The following PPP1R9A variants were observed in gnomAD, a reference collection of about 807,000 sequenced individuals.
The protein encoded by PPP1R9A is neurabin-1.
PPP1R9A carries 59 observed loss-of-function variants against 141.9 expected under a neutral mutation model. The observed-to-expected ratio is 0.42, with a 90% CI of 0.34 to 0.52. The LOEUF is 0.52. Ranked by LOEUF, PPP1R9A falls within the 20% of genes least tolerant of loss-of-function variation. The pLI, the probability that PPP1R9A is intolerant of heterozygous loss-of-function variation, is 0.10. For missense variants in PPP1R9A, 1,444 were observed against 1,611.9 expected, an observed-to-expected ratio of 0.90 and a Z score of 1.78; for synonymous variants, 500 against 569.7, an observed-to-expected ratio of 0.88 and a Z score of 1.74.
intron 2 of PPP1R9A, among the ~76,000 whole-genome samples, chr7:94,939,198 A>G (rs1222615619): frequency 6.6e-6 from 1 of 152,168 alleles, no homozygotes; most frequent in African/African-American, 2.4e-5. Context: ...TCATTTCTTC[A>G]TCTAGGAAAA....
intron 18 of PPP1R9A, among the ~76,000 whole-genome samples, 163 bp from the exon 19 acceptor site, chr7:95,288,373 A>G (rs1196939919): frequency 6.6e-6 from 1 of 152,198 alleles, no homozygotes; most frequent in East Asian, 1.9e-4. Flanking sequence ...AAAAACATAT[A>G]GGTAATAAGT....
At chr7:95,201,927 A>C (rs1055418227) in intron 6 of PPP1R9A, among the ~76,000 whole-genome samples, 1 of 152,164 alleles carries the variant, frequency 6.6e-6, no homozygotes, top group Admixed American at 6.5e-5. Context: ...CTTAGTCAGC[A>C]TTTTCTGCTG....
intron 8 of PPP1R9A, among the ~76,000 whole-genome samples, chr7:95,232,584 C>T (rs1253153126): frequency 1.3e-5 from 2 of 152,208 alleles, no homozygotes; most frequent in East Asian, 3.9e-4. Flanking sequence ...AGTGAACAGG[C>T]AACCTACAGA....
Position 95,269,337 on chromosome 7 carries a change from CGTCT to C in PPP1R9A, c.2956_2959del (p.Ser986ThrfsTer3). On this transcript the variant is annotated frameshift_variant, in exon 14 of 20. Transcript: ENST00000433360. LOFTEE classifies it high-confidence loss of function. Reference sequence around the variant, plus strand: ...CCGGTGGATAGCAATGTGCCCTTCTCGTCTGACCACATAGCTGAATTTCAAGAAG... The same window carrying C: ...CCGGTGGATAGCAATGTGCCCTTCTCGACCACATAGCTGAATTTCAAGAAG... 2 of 1,598,642 alleles carry C rather than the reference CGTCT, an allele frequency of 1.3e-6. No individual in the cohort carries two copies. Among genetic ancestry groups the C allele is most frequent in the Non-Finnish European group, 1.7e-6 (2 of 1,179,456 alleles).
intron 4 of PPP1R9A, among the ~76,000 whole-genome samples, chr7:95,133,449 A>G (rs1333733832): frequency 6.6e-6 from 1 of 150,476 alleles, no homozygotes; most frequent in Non-Finnish European, 1.5e-5. Flanking sequence ...CTTAAATAAT[A>G]TATTACTTTA....
chr7:95,168,845 C>G (rs572324583), intron 5 of PPP1R9A, among the ~76,000 whole-genome samples: 2 of 151,972 alleles, frequency 1.3e-5, no homozygotes, highest in Non-Finnish European at 2.9e-5. Context: ...TATCCGCTTA[C>G]CCCAATTAGA....
At chr7:95,258,961 A>G (rs566232673) in intron 12 of PPP1R9A, among the ~76,000 whole-genome samples, 1 of 152,340 alleles carries the variant, frequency 6.6e-6, no homozygotes, top group Non-Finnish European at 1.5e-5. Flanking sequence ...AACTCTTGTC[A>G]GTGTATACCA....
intron 2 of PPP1R9A, among the ~76,000 whole-genome samples, chr7:94,928,921 A>G (rs1222028360): frequency 6.6e-6 from 1 of 152,166 alleles, no homozygotes; most frequent in Non-Finnish European, 1.5e-5. Context: ...CTTTAAAGAA[A>G]ACCAAACTGG....
intron 4 of PPP1R9A, among the ~76,000 whole-genome samples, chr7:95,153,388 G>T (rs147833691): frequency 5.9e-4 from 90 of 152,284 alleles, no homozygotes; most frequent in African/African-American, 1.7e-3. Context: ...TCATGATTCA[G>T]TTCAGTCAAA....
chr7:95,159,603 C>T (rs1431989563), intron 4 of PPP1R9A, among the ~76,000 whole-genome samples: 1 of 151,970 alleles, frequency 6.6e-6, no homozygotes, highest in African/African-American at 2.4e-5. Context: ...TGGGCTTCAA[C>T]TTTTCTGTAA....
At chr7:95,219,738 C>T (rs1376234745) in intron 7 of PPP1R9A, among the ~76,000 whole-genome samples, 1 of 152,054 alleles carries the variant, frequency 6.6e-6, no homozygotes, top group Non-Finnish European at 1.5e-5. Context: ...TCTTCGAATC[C>T]TCTCAATATC....
chr7:95,141,068 A>T (rs1359275819), intron 4 of PPP1R9A, among the ~76,000 whole-genome samples: 1 of 152,206 alleles, frequency 6.6e-6, no homozygotes, highest in Non-Finnish European at 1.5e-5. Context: ...AATATTCTTG[A>T]ACTTAACTAA....
intron 4 of PPP1R9A, among the ~76,000 whole-genome samples, chr7:95,147,593 T>C (rs541010609): frequency 7.7e-4 from 118 of 152,306 alleles, no homozygotes; most frequent in Middle Eastern, 3.4e-3. Flanking sequence ...AGGGAATGCT[T>C]GCAGCTTTTG....
chr7:94,933,036 A>C (rs908115485), intron 2 of PPP1R9A, among the ~76,000 whole-genome samples: 12 of 91,824 alleles, frequency 1.3e-4, no homozygotes, highest in African/African-American at 3.4e-4. Context: ...ACATCTCTGC[A>C]TATATATATA....
intron 4 of PPP1R9A, among the ~76,000 whole-genome samples, chr7:95,157,319 C>T (rs887062069): frequency 6.6e-6 from 1 of 152,076 alleles, no homozygotes; most frequent in Admixed American, 6.5e-5. Context: ...CTCCCTTGAC[C>T]CTAGGGAAGT....
At chr7:95,245,737 A>C (rs1798035722) in intron 8 of PPP1R9A, among the ~76,000 whole-genome samples, 1 of 152,196 alleles carries the variant, frequency 6.6e-6, no homozygotes, top group Non-Finnish European at 1.5e-5. Context: ...CATCTGCTAA[A>C]GGCAGGTAAG....
intron 2 of PPP1R9A, among the ~76,000 whole-genome samples, chr7:94,974,298 AC>A (rs1232539108): frequency 6.6e-6 from 1 of 152,186 alleles, no homozygotes; most frequent in Non-Finnish European, 1.5e-5. Flanking sequence ...TAAATGGTAA[AC>A]AAGTTCCTAG....
At chr7:95,122,367 G>A (rs1191298432) in intron 4 of PPP1R9A, among the ~76,000 whole-genome samples, 2 of 152,006 alleles carry the variant, frequency 1.3e-5, no homozygotes, top group East Asian at 1.9e-4. Context: ...GAATGGCCTC[G>A]AACTCCTGAC....
chr7:95,229,510 C>G (rs890243223), intron 8 of PPP1R9A, among the ~76,000 whole-genome samples: 32 of 151,910 alleles, frequency 2.1e-4, no homozygotes, highest in Non-Finnish European at 4.6e-4. Flanking sequence ...CCCCCACTTC[C>G]CTGGTGGCGT....
Sources: gnomAD v4.1 joint callset for allele counts (sites outside exome capture counted in the v4.1 genomes callset) on GRCh38, gnomAD v4.1.1 for gene constraint, MANE v1.5 for transcripts, NCBI Gene and HGNC (gene_info 2026-07-23, HGNC 2026-07-21) for gene names.